Variants in VWF observed in about 807,000 individuals in gnomAD.
The protein encoded by VWF is von Willebrand factor.
A neutral mutation model predicts 308.6 loss-of-function variants in VWF; 176 were observed. The observed-to-expected ratio is 0.57, with a 90% confidence interval of 0.50 to 0.65. The LOEUF is 0.65. VWF is among the 30% of genes least tolerant of loss of function. The pLI is 0.00. For synonymous variants in VWF, 1,385 were observed against 1,443.4 expected (o/e 0.96, Z 0.92); for missense variants, 3,146 against 3,648.2 (o/e 0.86, Z 3.55).
intron 25 of VWF, among the ~76,000 whole-genome samples, chr12:6,023,317 T>C (rs1380846537): frequency 1.3e-5 from 2 of 152,198 alleles, no homozygotes; most frequent in Non-Finnish European, 1.5e-5. Context: ...TTGGCAAATA[T>C]AATCACGCCT....
intron 16 of VWF, among the ~76,000 whole-genome samples, chr12:6,049,610 G>C (rs546627825): frequency 6.6e-6 from 1 of 152,292 alleles, no homozygotes; most frequent in East Asian, 1.9e-4. Flanking sequence ...GAATCCCTGG[G>C]CTCTAGTCAC....
intron 16 of VWF, among the ~76,000 whole-genome samples, chr12:6,049,245 C>A (rs1449816428): frequency 2.6e-5 from 4 of 152,198 alleles, no homozygotes; most frequent in Non-Finnish European, 5.9e-5. Flanking sequence ...CACACCTTCT[C>A]CGTGAAACCC....
rs1944182431 is a variant in VWF at position 6,025,678 on chromosome 12, A to C, written c.3124T>G (p.Ser1042Ala). 1 of 1,526,944 alleles carries C rather than the reference A, an allele frequency of 6.5e-7. No homozygotes were observed. The highest frequency in any genetic ancestry group is 1.1e-5 in the South Asian group (1 of 88,320). 94.6% of individuals were successfully genotyped at this position (1,526,944 alleles called of 1,614,324 possible). Residue 1042 changes from serine to alanine, a missense_variant, in exon 24 of 52, where the codon TCC becomes GCC. Around this residue, in one of 3 missense-constraint regions of VWF, gnomAD observed 853 missense variants for 1,177.8 expected, o/e 0.72. Transcript: ENST00000261405. ...ADTRKVPLDS[S>A]PATCHNNIMK... is the part of the protein sequence containing the mutation. ...ATGTTGTTATGGCAGGTGGCAGGGG[A>C]TGAGTCCAGAGGCACCTGGGAACCA...
intron 7 of VWF, 143 bp from the exon 8 acceptor site, chr12:6,073,884 G>A (rs1163895614): frequency 1.6e-6 from 2 of 1,284,940 alleles, no homozygotes; most frequent in South Asian, 1.3e-5. Context: ...CTCACCCCCA[G>A]TGAGCCACGT....
chr12:6,105,804 A>C lies in VWF; in HGVS notation c.532+4570T>G, dbSNP rs370117009. Among the ~76,000 whole-genome samples, 560 of 152,190 alleles carry C rather than the reference A, an allele frequency of 3.7e-3. 5 individuals carry two copies. The highest frequency in any genetic ancestry group is 0.012 in the African/African-American group (518 of 41,528). ...GTAATCCCAGCACTCTGGGAGGCCA[A>C]GGTGGGCAGATCAAGAGGTCAAGAG... On this transcript the variant is annotated intron_variant, in intron 5 of 51. Transcript: ENST00000261405.
In VWF at chr12:6,075,272, G is replaced by T; in HGVS notation, c.874+63C>A. The T allele has an allele frequency of 6.2e-7, 1 of 1,605,740 alleles. No individual in the cohort carries two copies. The highest frequency in any genetic ancestry group is 8.5e-7 in the Non-Finnish European group (1 of 1,174,618). On this transcript the variant is annotated intron_variant, in intron 7 of 51. Coordinates refer to ENST00000261405, the MANE Select transcript of VWF (RefSeq NM_000552.5). This position sits in a 1 kb window ranked among gnomAD's most constrained non-coding sequence, Gnocchi z 4.7. ...GACACAGCCCCGAAGCACCCTAAGGGACACCACCCAGGACAGACCGTTCAT... is the reference window on the plus strand; with the variant it reads ...GACACAGCCCCGAAGCACCCTAAGGTACACCACCCAGGACAGACCGTTCAT...
At chr12:6,021,181 A>G (rs1944125498) in intron 27 of VWF, 1 of 152,490 alleles carries the variant, frequency 6.6e-6, no homozygotes, top group Non-Finnish European at 1.5e-5. Context: ...TGACTCTAGC[A>G]GCTGTGACCA....
chr12:6,098,544 C>T (rs1254691921), intron 5 of VWF, among the ~76,000 whole-genome samples: 3 of 152,076 alleles, frequency 2.0e-5, no homozygotes, highest in Admixed American at 1.3e-4. Context: ...TTTGGGAGGC[C>T]GAGGCGGGCG....
chr12:5,974,212 A>C (rs1013008997), intron 43 of VWF, among the ~76,000 whole-genome samples: 2 of 133,800 alleles, frequency 1.5e-5, no homozygotes, highest in African/African-American at 5.7e-5. Context: ...ACCATCTGTA[A>C]CTTACTTAAG....
At position 6,075,895 on chromosome 12, in the gene VWF, G is replaced by A. The variant is rs553172711; in HGVS notation, c.658-344C>T. Among the ~76,000 whole-genome samples, 9 of 152,304 alleles carry A rather than the reference G, an allele frequency of 5.9e-5. No individual in the cohort carries two copies. In the South Asian group the frequency reaches 1.9e-3, roughly 32 times the overall value. On this transcript the variant is annotated intron_variant, in intron 6 of 51. Coordinates refer to ENST00000261405, the MANE Select transcript of VWF (RefSeq NM_000552.5). The surrounding 1 kb of genome is among the most constrained non-coding windows in gnomAD (Gnocchi z 4.7). Reference sequence around the variant, plus strand: ...CGCCCTGGAGTTGGCCTGGGTGGCTGCAGAGTCCAGGAATGCTGTCAGCAT... The same window carrying A: ...CGCCCTGGAGTTGGCCTGGGTGGCTACAGAGTCCAGGAATGCTGTCAGCAT...
chr12:6,037,228 T>G (rs1330428632), intron 18 of VWF, among the ~76,000 whole-genome samples: 1 of 152,198 alleles, frequency 6.6e-6, no homozygotes, highest in Admixed American at 6.5e-5. Context: ...GTTTTAAAAT[T>G]TTTTTCCAAG....
Position 6,095,489 on chromosome 12 carries a change from A to C in VWF, c.628T>G (p.Cys210Gly). 6.2e-7 allele frequency: 1 copy of C among 1,614,124 alleles called. No individual in the cohort carries two copies. The highest frequency in any genetic ancestry group is 2.2e-5 in the East Asian group (1 of 44,874). Reference protein sequence around the residue: ...CERASPPSSSCNISSGEMQKG... With the variant: ...CERASPPSSSGNISSGEMQKG... Reference sequence around the variant, plus strand: ...TGCATTTCCCCAGAGGAGATGTTGCATGAGCTGCTGGGAGGAGATGCCCGT... The same window carrying C: ...TGCATTTCCCCAGAGGAGATGTTGCCTGAGCTGCTGGGAGGAGATGCCCGT... The change falls in exon 6 of 52, where the codon TGC becomes GGC. Residue 210 changes from cysteine to glycine, a missense_variant. Transcript: ENST00000261405.
At chr12:6,077,702 C>A (rs1020165525) in intron 6 of VWF, among the ~76,000 whole-genome samples, 4 of 152,210 alleles carry the variant, frequency 2.6e-5, no homozygotes, top group Non-Finnish European at 5.9e-5. Context: ...TGAATGCAGG[C>A]CACTGTTGTG....
At position 6,027,366 on chromosome 12, in the gene VWF, C is replaced by T. The variant is rs555958322; in HGVS notation, c.2968-1320G>A. Among the ~76,000 whole-genome samples the T allele has an allele frequency of 7.9e-5, 12 of 152,330 alleles. No individual in the cohort carries two copies. The South Asian group carries it at 1.5e-3, about 18-fold the overall frequency. On this transcript the variant is annotated intron_variant, in intron 22 of 51. Coordinates refer to ENST00000261405, the MANE Select transcript of VWF (RefSeq NM_000552.5). Reference sequence around the variant, plus strand: ...TTCCCCAAAGATTCTGCTCTTACATCCCCTCTTCACAGGGCTCATCAGCCC... The same window carrying T: ...TTCCCCAAAGATTCTGCTCTTACATTCCCTCTTCACAGGGCTCATCAGCCC...
chr12:6,048,716 G>A (rs965824779), intron 16 of VWF, among the ~76,000 whole-genome samples: 3 of 152,084 alleles, frequency 2.0e-5, no homozygotes, highest in Non-Finnish European at 4.4e-5. Context: ...GCCCACCTCG[G>A]CCTCCCAAAG....
At chr12:5,980,759 T>C (rs1943595941) in intron 42 of VWF, among the ~76,000 whole-genome samples, 1 of 151,618 alleles carries the variant, frequency 6.6e-6, no homozygotes, top group African/African-American at 2.4e-5. Flanking sequence ...CAAATAAAGA[T>C]CTGTTCCAGC....
At chr12:6,109,043 C>G (rs1229508659) in intron 5 of VWF, among the ~76,000 whole-genome samples, 1 of 150,838 alleles carries the variant, frequency 6.6e-6, no homozygotes, top group Non-Finnish European at 1.5e-5. Flanking sequence ...TCAGAAAGAG[C>G]TCAAAATGGA....
chr12:6,064,624 A>C (rs57717439), intron 11 of VWF, among the ~76,000 whole-genome samples: 2,406 of 152,264 alleles, frequency 0.016, 65 homozygotes, highest in African/African-American at 0.055. Context: ...GTCTCTTATA[A>C]AGAACCATGG....
intron 5 of VWF, 89 bp from the exon 6 acceptor site, chr12:6,095,673 G>C: frequency 1.9e-6 from 3 of 1,590,844 alleles, no homozygotes; most frequent in South Asian, 2.2e-5. Context: ...TGGTGGTTTT[G>C]TGTGTTTTGT....
Sources: gnomAD v4.1 joint callset for allele counts (sites outside exome capture counted in the v4.1 genomes callset) on GRCh38, gnomAD v4.1.1 for gene constraint, gnomAD v4.1.1 regional missense constraint, Gnocchi (gnomAD v3.1) non-coding constraint, MANE v1.5 for transcripts, NCBI Gene and HGNC (gene_info 2026-07-23, HGNC 2026-07-21) for gene names.